Variants in MAP3K5 observed in about 807,000 individuals in gnomAD.
The protein encoded by MAP3K5 is mitogen-activated protein kinase kinase kinase 5, also known as ASK-1.
Under a neutral mutation model 158.7 loss-of-function variants are expected in MAP3K5, and 56 were observed. That is an observed-to-expected ratio of 0.35 (90% CI 0.28 to 0.44). MAP3K5 has a LOEUF of 0.44. Ranked by LOEUF, MAP3K5 falls within the 20% of genes least tolerant of loss-of-function variation. The pLI is 1.00. For synonymous variants in MAP3K5, 579 were observed against 601.7 expected (o/e 0.96, Z 0.55); for missense variants, 1,294 against 1,674.8 (o/e 0.77, Z 3.97).
intron 21 of MAP3K5, among the ~76,000 whole-genome samples, chr6:136,596,966 AC>A (rs1446106741): frequency 2.6e-5 from 4 of 152,104 alleles, no homozygotes; most frequent in Admixed American, 6.5e-5. Flanking sequence ...AGTGATTGGG[AC>A]CCCAGGCTGC....
At chr6:136,653,960 G>A (rs1253606203) in intron 10 of MAP3K5, among the ~76,000 whole-genome samples, 6 of 151,868 alleles carry the variant, frequency 4.0e-5, no homozygotes, top group Admixed American at 3.9e-4. Flanking sequence ...GAGATGAGGG[G>A]GAAAACACTG....
intron 11 of MAP3K5, among the ~76,000 whole-genome samples, chr6:136,647,402 G>A (rs781136657): frequency 4.6e-5 from 7 of 152,170 alleles, no homozygotes; most frequent in African/African-American, 1.4e-4. Flanking sequence ...CCTAGGCCAC[G>A]AAGCATGCAA....
chr6:136,756,279 C>A (rs1305435812), intron 1 of MAP3K5, among the ~76,000 whole-genome samples: 1 of 152,110 alleles, frequency 6.6e-6, no homozygotes, highest in Non-Finnish European at 1.5e-5. Context: ...GATGGTACCT[C>A]TGCACTCCAA....
chr6:136,660,533 T>C (rs1171292620), intron 8 of MAP3K5, among the ~76,000 whole-genome samples: 1 of 152,250 alleles, frequency 6.6e-6, no homozygotes, highest in Non-Finnish European at 1.5e-5. Flanking sequence ...TTTTCAACAC[T>C]GTTTTGGCAC....
At chr6:136,687,904 G>A (rs1314402499) in intron 7 of MAP3K5, among the ~76,000 whole-genome samples, 1 of 152,078 alleles carries the variant, frequency 6.6e-6, no homozygotes, top group Non-Finnish European at 1.5e-5. Flanking sequence ...GTTTGACCCA[G>A]CAATCCCATT....
At chr6:136,718,358 C>G (rs1781611182) in intron 2 of MAP3K5, among the ~76,000 whole-genome samples, 1 of 152,100 alleles carries the variant, frequency 6.6e-6, no homozygotes, top group South Asian at 2.1e-4. Context: ...CATGTGCTGC[C>G]ACACCTGGCT....
chr6:136,669,795 C>A (rs1263425121), intron 7 of MAP3K5, among the ~76,000 whole-genome samples: 7 of 151,648 alleles, frequency 4.6e-5, no homozygotes. Flanking sequence ...GCTATGTAGT[C>A]ATTTATGTTG....
chr6:136,722,674 C>CTTTTTTTT (rs372343492), intron 1 of MAP3K5, among the ~76,000 whole-genome samples: 2 of 115,564 alleles, frequency 1.7e-5, no homozygotes, highest in African/African-American at 3.2e-5. Context: ...TTTTTTTTTC[C>CTTTTTTTT]TTTTTTTTTT....
intron 3 of MAP3K5, among the ~76,000 whole-genome samples, chr6:136,703,371 TAA>T (rs1780934750): frequency 6.6e-6 from 1 of 152,218 alleles, no homozygotes; most frequent in African/African-American, 2.4e-5. Flanking sequence ...GACACTGACA[TAA>T]TGGCTACCCT....
At chr6:136,688,334 G>A (rs1780242291) in intron 7 of MAP3K5, among the ~76,000 whole-genome samples, 1 of 151,704 alleles carries the variant, frequency 6.6e-6, no homozygotes, top group African/African-American at 2.4e-5. Flanking sequence ...CGGGTTGATG[G>A]GTGCAGCAAA....
chr6:136,732,866 A>G (rs998137644), intron 1 of MAP3K5, among the ~76,000 whole-genome samples: 2 of 152,194 alleles, frequency 1.3e-5, no homozygotes, highest in Non-Finnish European at 2.9e-5. Flanking sequence ...GAAGATCTAG[A>G]CTAGATTTGA....
intron 23 of MAP3K5, 90 bp from the exon 24 acceptor site, chr6:136,583,830 T>A: frequency 1.6e-6 from 2 of 1,250,456 alleles, no homozygotes; most frequent in South Asian, 2.9e-5. Flanking sequence ...GCCCCCACAT[T>A]TTTTTTTCTT....
intron 15 of MAP3K5, among the ~76,000 whole-genome samples, chr6:136,616,201 A>G (rs1007632681): frequency 6.6e-6 from 1 of 152,148 alleles, no homozygotes; most frequent in African/African-American, 2.4e-5. Flanking sequence ...AGTGTTACCA[A>G]TAAGATACTT....
intron 1 of MAP3K5, among the ~76,000 whole-genome samples, chr6:136,771,947 T>A (rs571192421): frequency 1.3e-5 from 2 of 152,188 alleles, no homozygotes; most frequent in African/African-American, 4.8e-5. Flanking sequence ...TGAGACACAG[T>A]CTTGCTCCAT....
intron 14 of MAP3K5, among the ~76,000 whole-genome samples, chr6:136,636,247 GCTT>G (rs1461820689): frequency 6.6e-6 from 1 of 152,040 alleles, no homozygotes; most frequent in African/African-American, 2.4e-5. Flanking sequence ...GAGCTAGCCA[GCTT>G]CTTCTACCAT....
At chr6:136,574,513 C>T (rs1376869885) in intron 25 of MAP3K5, among the ~76,000 whole-genome samples, 1 of 152,052 alleles carries the variant, frequency 6.6e-6, no homozygotes, top group Non-Finnish European at 1.5e-5. Flanking sequence ...CTCAGCATTA[C>T]TCCATCTGGT....
At chr6:136,726,869 A>G (rs1781991602) in intron 1 of MAP3K5, among the ~76,000 whole-genome samples, 1 of 152,086 alleles carries the variant, frequency 6.6e-6, no homozygotes, top group Non-Finnish European at 1.5e-5. Context: ...AGCTTTTTTC[A>G]TATATATTAT....
At chr6:136,674,499 A>G (rs1032676298) in intron 7 of MAP3K5, among the ~76,000 whole-genome samples, 33 of 152,004 alleles carry the variant, frequency 2.2e-4, no homozygotes. Flanking sequence ...ATGTAATACT[A>G]AGTTAATAAA....
At chr6:136,578,927 T>C (rs1271113846) in intron 25 of MAP3K5, among the ~76,000 whole-genome samples, 4 of 151,758 alleles carry the variant, frequency 2.6e-5, no homozygotes, top group African/African-American at 9.7e-5. Flanking sequence ...TCACAGCACT[T>C]TGGGAGGCCG....
Sources: allele counts gnomAD v4.1 joint callset (sites outside exome capture counted in the v4.1 genomes callset), GRCh38; gene constraint gnomAD v4.1.1; transcripts MANE v1.5; gene names NCBI Gene and HGNC (gene_info 2026-07-23, HGNC 2026-07-21).